Variants in FER1L6 observed in about 807,000 individuals in gnomAD.
The protein encoded by FER1L6 is fer-1 like family member 6.
A neutral mutation model predicts 219.2 loss-of-function variants in FER1L6; 177 were observed. The observed-to-expected ratio is 0.81, with a 90% CI of 0.71 to 0.91. FER1L6 has a LOEUF of 0.91. FER1L6 is among the 40% of genes least tolerant of loss of function. FER1L6 has a pLI of 0.00. For synonymous variants in FER1L6, 768 were observed against 824.3 expected, an observed-to-expected ratio of 0.93 and a Z score of 1.17; for missense variants, 2,153 against 2,259.9, an observed-to-expected ratio of 0.95 and a Z score of 0.96.
At chr8:124,067,933 T>C (rs781372187) in intron 28 of FER1L6, 127 bp downstream of exon 28, 1 of 732,696 alleles carries the variant, frequency 1.4e-6, no homozygotes. Flanking sequence ...AGAAACAATC[T>C]CAGGAAGATG....
chr8:124,072,060 CATGTT>C (rs1271691874), intron 31 of FER1L6, among the ~76,000 whole-genome samples: 1 of 152,182 alleles, frequency 6.6e-6, no homozygotes, highest in Non-Finnish European at 1.5e-5. Flanking sequence ...GCAAAACAGA[CATGTT>C]ATGGCTTTTC....
rs200333104 is a variant in FER1L6 at position 124,060,704 on chromosome 8, G to A, written c.3142G>A (p.Glu1048Lys). The change falls in exon 24 of 41, where the codon GAA (glutamate) becomes AAA (lysine). Residue 1048 changes from glutamate to lysine, a missense_variant. Transcript: ENST00000522917. ...PNFSIQADAFEVELPENELLH... is the reference protein window; with the variant it reads ...PNFSIQADAFKVELPENELLH... ...CTTCAGCATCCAGGCAGACGCTTTC[G>A]AAGTGGTGCGAGCTTCTCACTCTCC... 23 of 1,613,618 alleles carry A rather than the reference G, an allele frequency of 1.4e-5. No homozygotes were observed. Among genetic ancestry groups the A allele is most frequent in the South Asian group, 5.5e-5 (5 of 91,052 alleles).
rs369206424 is a variant in FER1L6, at chr8:123,977,398, C to T, written c.871-19C>T. On this transcript the variant is annotated intron_variant, in intron 9 of 40. Transcript: ENST00000522917. ...GTCAGTCCCTTCCATGACTCATGTC[C>T]TCCTGGCTGTGTTTTTAGGGGCGAA... 179 of 1,607,928 alleles carry T rather than the reference C, an allele frequency of 1.1e-4. No homozygotes were observed. The African/African-American group carries it at 2.2e-3, about 20-fold the overall frequency.
At chr8:124,010,841 TG>T in intron 14 of FER1L6, 127 bp downstream of exon 14, 1 of 1,312,146 alleles carries the variant, frequency 7.6e-7, no homozygotes. Flanking sequence ...ATGCTGCATT[TG>T]GAGGGCACGT....
At chr8:123,962,596 T>C (rs529966590) in intron 2 of FER1L6, among the ~76,000 whole-genome samples, 18 of 152,256 alleles carry the variant, frequency 1.2e-4, no homozygotes, top group Admixed American at 5.9e-4. Context: ...TGTCTCATCA[T>C]TGACAAAAAC....
At chr8:123,958,954 T>C (rs1461464906) in intron 2 of FER1L6, among the ~76,000 whole-genome samples, 1 of 151,514 alleles carries the variant, frequency 6.6e-6, no homozygotes, top group Non-Finnish European at 1.5e-5. Context: ...ATAAAGTGGG[T>C]GAGAGGGCCA....
intron 22 of FER1L6, 120 bp from the exon 23 acceptor site, chr8:124,060,060 G>A (rs1011764722): frequency 2.8e-6 from 2 of 719,466 alleles, no homozygotes; most frequent in African/African-American, 1.7e-5. Context: ...TGTATTTTAA[G>A]CTGGAAACAT....
At position 123,868,534 on chromosome 8, in the gene FER1L6, AGTT is replaced by A. The variant is rs955114292; in HGVS notation, c.-8+16353_-8+16355del. 1.6e-4 allele frequency among the ~76,000 whole-genome samples: 25 copies of A among 152,210 alleles called. 1 individual carries two copies. The highest frequency in any genetic ancestry group is 3.4e-3 in the Middle Eastern group (1 of 294). On this transcript the variant is annotated intron_variant, in intron 1 of 40. Coordinates refer to ENST00000522917, the MANE Select transcript of FER1L6 (RefSeq NM_001039112.2). Reference sequence around the variant, plus strand: ...TAATGAAAATGCATTCTAAAGTACAAGTTGTTTTCCATGAAATTGATTCCCAGA... The same window carrying A: ...TAATGAAAATGCATTCTAAAGTACAAGTTTTCCATGAAATTGATTCCCAGA...
rs556038747 is a variant in FER1L6 at position 123,920,074 on chromosome 8, C to G, written c.-7-35918C>G. ...GAATTGCAAGGTGGTGACTGCAGAG[C>G]ATTACACCCCAAGTTCAAGTCCCCT... On this transcript the variant is annotated intron_variant, in intron 1 of 40. Coordinates refer to ENST00000522917, the MANE Select transcript of FER1L6 (RefSeq NM_001039112.2). Among the ~76,000 whole-genome samples the G allele has an allele frequency of 2.6e-5, 4 of 152,330 alleles. No individual in the cohort carries two copies. The East Asian group carries it at 7.7e-4, about 29-fold the overall frequency.
chr8:124,060,302 C>A lies in FER1L6; in HGVS notation c.2985+12C>A, dbSNP rs1031429103. On this transcript the variant is annotated intron_variant, in intron 23 of 40. Transcript: ENST00000522917. The stretch of plus-strand genomic sequence containing the variant: ...AATACCGAGTGGAGGTACGGGTCAG[C>A]GGAGGAGCTGAGTTGTTCTTTGGCA... The A allele has an allele frequency of 6.2e-7, 1 of 1,612,394 alleles. No homozygotes were observed. Among genetic ancestry groups the A allele is most frequent in the African/African-American group, 1.3e-5 (1 of 74,976 alleles).
At chr8:123,963,434 C>T (rs768786436) in intron 3 of FER1L6, 36 bp downstream of exon 3, 5 of 1,610,538 alleles carry the variant, frequency 3.1e-6, no homozygotes, top group African/African-American at 1.3e-5. Flanking sequence ...CACACATTTG[C>T]TGAGCATCTC....
intron 1 of FER1L6, among the ~76,000 whole-genome samples, chr8:123,902,651 T>G (rs899754125): frequency 2.6e-5 from 4 of 152,192 alleles, no homozygotes; most frequent in Non-Finnish European, 5.9e-5. Context: ...GGTGTCCATT[T>G]TCACCCCTTT....
chr8:124,008,013 G>C (rs373088604), intron 13 of FER1L6, among the ~76,000 whole-genome samples: 8 of 152,120 alleles, frequency 5.3e-5, no homozygotes, highest in Admixed American at 3.3e-4. Context: ...CTTTAGTAGT[G>C]ACTTGTGAGA....
At chr8:123,887,418 A>G (rs188210425) in intron 1 of FER1L6, among the ~76,000 whole-genome samples, 3 of 152,204 alleles carry the variant, frequency 2.0e-5, no homozygotes, top group East Asian at 3.9e-4. Flanking sequence ...AAAGCTGCCC[A>G]TTTAATCTTG....
At chr8:123,989,622 C>G (rs1816756304) in intron 12 of FER1L6, among the ~76,000 whole-genome samples, 1 of 152,138 alleles carries the variant, frequency 6.6e-6, no homozygotes, top group African/African-American at 2.4e-5. Context: ...ACTTTTCATA[C>G]CCATAGCTTA....
intron 40 of FER1L6, 47 bp from the exon 41 acceptor site, chr8:124,119,560 T>C (rs1586369872): frequency 8.0e-7 from 1 of 1,249,256 alleles, no homozygotes; most frequent in Non-Finnish European, 1.2e-6. Flanking sequence ...GCATTCTGAG[T>C]GTTGACAGGA....
intron 1 of FER1L6, among the ~76,000 whole-genome samples, chr8:123,912,797 G>T (rs763900243): frequency 1.3e-5 from 2 of 152,176 alleles, no homozygotes; most frequent in African/African-American, 2.4e-5. Context: ...AATGCTATGG[G>T]AATCCAAAGG....
At chr8:123,953,050 CG>C (rs1358402523) in intron 1 of FER1L6, among the ~76,000 whole-genome samples, 2 of 152,138 alleles carry the variant, frequency 1.3e-5, no homozygotes, top group Non-Finnish European at 2.9e-5. Context: ...CCCTGTGTCA[CG>C]GGTTCATTTT....
rs117613541 is a variant in FER1L6 at position 123,988,803 on chromosome 8, G to A, written c.1519+2627G>A. ...TATTTGACTACTTCATTTCCTATTTGGATGCCCTTTGTTTCTTTCTCTTGT... is the reference window on the plus strand; with the variant it reads ...TATTTGACTACTTCATTTCCTATTTAGATGCCCTTTGTTTCTTTCTCTTGT... On this transcript the variant is annotated intron_variant, in intron 12 of 40. Transcript: ENST00000522917. Among the ~76,000 whole-genome samples, 1,154 of 152,156 alleles carry A rather than the reference G, an allele frequency of 7.6e-3. 5 individuals carry two copies. Among genetic ancestry groups the A allele is most frequent in the Middle Eastern group, 0.017 (5 of 294 alleles).
Sources: allele counts gnomAD v4.1 joint callset (sites outside exome capture counted in the v4.1 genomes callset), GRCh38; gene constraint gnomAD v4.1.1; transcripts MANE v1.5; gene names NCBI Gene and HGNC (gene_info 2026-07-23, HGNC 2026-07-21).